FGGY: variants seen among roughly 807,000 people sequenced by gnomAD.
FGGY encodes FGGY carbohydrate kinase domain containing, also known as FGGY carbohydrate kinase domain-containing protein.
Under a neutral mutation model 71.3 loss-of-function variants are expected in FGGY, and 72 were observed. That is an observed-to-expected ratio of 1.01 (90% CI 0.84 to 1.23). The LOEUF (loss-of-function observed/expected upper bound fraction) is 1.23, where lower values mean the gene tolerates loss of function less well. FGGY is among the 50% of genes most tolerant of loss of function. The pLI is 0.00. For synonymous variants in FGGY, 251 were observed against 250.3 expected, an observed-to-expected ratio of 1.00 and a Z score of -0.02; for missense variants, 668 against 682.3, an observed-to-expected ratio of 0.98 and a Z score of 0.23.
intron 5 of FGGY, among the ~76,000 whole-genome samples, chr1:59,424,521 T>TG (rs2066006943): frequency 6.6e-6 from 1 of 152,122 alleles, no homozygotes; most frequent in Non-Finnish European, 1.5e-5. Context: ...CACTCCAGCC[T>TG]GGCGACAGAG....
intron 6 of FGGY, among the ~76,000 whole-genome samples, chr1:59,461,161 TA>T (rs1342697201): frequency 6.6e-6 from 1 of 152,134 alleles, no homozygotes; most frequent in Non-Finnish European, 1.5e-5. Context: ...GCAAGGAAGC[TA>T]AAAACCTTGA....
chr1:59,597,621 C>T (rs991142062), intron 8 of FGGY, among the ~76,000 whole-genome samples: 2 of 152,120 alleles, frequency 1.3e-5, no homozygotes, highest in Non-Finnish European at 2.9e-5. Flanking sequence ...ACTGAATGTA[C>T]CCGGCACTGT....
intron 11 of FGGY, among the ~76,000 whole-genome samples, chr1:59,643,034 CAAAAAAA>C (rs965526400): frequency 3.2e-4 from 17 of 53,166 alleles, no homozygotes; most frequent in African/African-American, 1.1e-3. Flanking sequence ...GACTCCATCT[CAAAAAAA>C]AAAAAAAAAA....
At chr1:59,376,167 C>A (rs996887373) in intron 4 of FGGY, among the ~76,000 whole-genome samples, 20 of 152,266 alleles carry the variant, frequency 1.3e-4, no homozygotes, top group Non-Finnish European at 2.9e-5. Flanking sequence ...AGATCCTATA[C>A]AGAGATACTA....
chr1:59,380,101 C>T (rs1191154636), intron 5 of FGGY, among the ~76,000 whole-genome samples: 3 of 151,880 alleles, frequency 2.0e-5, no homozygotes, highest in South Asian at 2.1e-4. Context: ...CAGCTTCATC[C>T]GTGTCCCTCC....
intron 4 of FGGY, among the ~76,000 whole-genome samples, chr1:59,362,737 T>C (rs942822076): frequency 1.3e-5 from 2 of 152,228 alleles, no homozygotes; most frequent in African/African-American, 4.8e-5. Context: ...GAATCCATAG[T>C]TTATAAATTA....
At chr1:59,452,966 G>A in intron 5 of FGGY, among the ~76,000 whole-genome samples, 1 of 152,186 alleles carries the variant, frequency 6.6e-6, no homozygotes, top group South Asian at 2.1e-4. Flanking sequence ...AAACACTTCA[G>A]GAAATGTCAA....
chr1:59,356,691 AT>A (rs1190058194), intron 4 of FGGY, among the ~76,000 whole-genome samples: 1 of 152,210 alleles, frequency 6.6e-6, no homozygotes, highest in Non-Finnish European at 1.5e-5. Flanking sequence ...CAATCATTTC[AT>A]TCCAAACTAA....
intron 7 of FGGY, among the ~76,000 whole-genome samples, chr1:59,534,174 C>T (rs1030665771): frequency 3.3e-5 from 5 of 151,888 alleles, no homozygotes; most frequent in Admixed American, 1.3e-4. Flanking sequence ...TCGAGAACTA[C>T]GTGAAGAATG....
At chr1:59,607,674 G>A (rs2096636222) in intron 8 of FGGY, 129 bp from the exon 9 acceptor site, 1 of 615,456 alleles carries the variant, frequency 1.6e-6, no homozygotes, top group Non-Finnish European at 2.8e-6. Context: ...TTGGGAGAGA[G>A]TGACTTCCCC....
intron 9 of FGGY, among the ~76,000 whole-genome samples, chr1:59,615,297 C>A (rs1043163924): frequency 6.6e-6 from 1 of 152,140 alleles, no homozygotes. Context: ...GGTATCATAA[C>A]AGAGATATAG....
intron 6 of FGGY, among the ~76,000 whole-genome samples, chr1:59,483,616 G>A (rs2093570966): frequency 6.6e-6 from 1 of 152,014 alleles, no homozygotes; most frequent in Admixed American, 6.6e-5. Context: ...TCTTTATTGG[G>A]ACAGGTCAGT....
At chr1:59,625,672 ACATAAGTTACCCTTCCTTCT>A (rs1003328417) in intron 9 of FGGY, among the ~76,000 whole-genome samples, 2 of 152,002 alleles carry the variant, frequency 1.3e-5, no homozygotes, top group Admixed American at 1.3e-4. Context: ...CCCCCATTTG[ACATAAGTTACCCTTCCTTCT>A]CATTCTTGGG....
chr1:59,623,100 T>C (rs759729137), intron 9 of FGGY, among the ~76,000 whole-genome samples: 8 of 152,186 alleles, frequency 5.3e-5, no homozygotes, highest in Admixed American at 2.6e-4. Context: ...ACTTGATAGA[T>C]GCTACAGTAG....
Position 59,462,863 on chromosome 1 carries a change from C to G in FGGY, c.670+5787C>G, listed in dbSNP as rs1326430259. 2.6e-5 allele frequency among the ~76,000 whole-genome samples: 4 copies of G among 151,882 alleles called. No individual in the cohort carries two copies. In the East Asian group the frequency reaches 5.8e-4, roughly 22 times the overall value. On this transcript the variant is annotated intron_variant, in intron 6 of 15. Coordinates refer to ENST00000303721, the MANE Select transcript of FGGY (RefSeq NM_018291.5). ...GAACACTTTTACACTGTTGGTGGGA[C>G]TGTAAACTAGTTCAACCATTGTGGA... is the stretch of plus-strand genomic sequence containing the variant.
intron 5 of FGGY, among the ~76,000 whole-genome samples, chr1:59,444,325 A>T (rs187906230): frequency 4.4e-4 from 67 of 152,322 alleles, no homozygotes; most frequent in African/African-American, 1.6e-3. Context: ...TGGGGTACAT[A>T]GCAAAGTTTC....
intron 4 of FGGY, among the ~76,000 whole-genome samples, chr1:59,360,933 T>A (rs1435043464): frequency 6.6e-6 from 1 of 152,168 alleles, no homozygotes; most frequent in Non-Finnish European, 1.5e-5. Context: ...CCAGCTCAGA[T>A]CTAACTCCAG....
chr1:59,321,160 T>G (rs1237815373), intron 1 of FGGY, among the ~76,000 whole-genome samples: 1 of 152,190 alleles, frequency 6.6e-6, no homozygotes, highest in African/African-American at 2.4e-5. Context: ...TACCTTGGCT[T>G]CTGTTCTTGT....
At chr1:59,695,633 G>A (rs1439352186) in intron 14 of FGGY, among the ~76,000 whole-genome samples, 2 of 152,216 alleles carry the variant, frequency 1.3e-5, no homozygotes, top group South Asian at 2.1e-4. Flanking sequence ...AGGCTCATGG[G>A]AGATAAGTGG....
Sources: gnomAD v4.1 joint callset for allele counts (sites outside exome capture counted in the v4.1 genomes callset) on GRCh38, gnomAD v4.1.1 for gene constraint, MANE v1.5 for transcripts, NCBI Gene and HGNC (gene_info 2026-07-23, HGNC 2026-07-21) for gene names.